Variants in UPB1 observed in about 807,000 individuals in gnomAD.
UPB1 encodes beta-ureidopropionase.
In UPB1, 40 loss-of-function variants were observed where a neutral mutation model predicts 49.1. The observed-to-expected ratio is 0.81, with a 90% CI of 0.63 to 1.06. The LOEUF (loss-of-function observed/expected upper bound fraction) is 1.06, where lower values mean the gene tolerates loss of function less well. Ranked by LOEUF, UPB1 falls within the 50% of genes least tolerant of loss-of-function variation. The pLI, the probability that UPB1 is intolerant of heterozygous loss-of-function variation, is 0.00. For synonymous variants in UPB1, 207 were observed against 198.2 expected (o/e 1.04, Z -0.38); for missense variants, 499 against 505.9 (o/e 0.99, Z 0.13).
rs149380394 is a variant in UPB1 at position 24,502,088 on chromosome 22, T to A, written c.277-38T>A. 6 of 1,609,426 alleles carry A rather than the reference T, an allele frequency of 3.7e-6. No homozygotes were observed. In the East Asian group the frequency reaches 1.3e-4, roughly 36 times the overall value. On this transcript the variant is annotated intron_variant, in intron 2 of 9. Transcript: ENST00000326010. The stretch of plus-strand genomic sequence containing the variant: ...GAGATCCTAAAAATTGCCTTACCAA[T>A]AGAACTAAATGGATTCTAATCCTTT...
intron 6 of UPB1, among the ~76,000 whole-genome samples, chr22:24,517,893 A>G (rs564530334): frequency 6.6e-6 from 1 of 152,376 alleles, no homozygotes; most frequent in Middle Eastern, 3.4e-3. Flanking sequence ...GGCCAGGCAC[A>G]GTAGCTCACA....
intron 5 of UPB1, among the ~76,000 whole-genome samples, chr22:24,514,184 C>T (rs1183408848): frequency 6.6e-6 from 1 of 152,020 alleles, no homozygotes; most frequent in African/African-American, 2.4e-5. Context: ...ATGTGATGTC[C>T]CCAGTTCTCT....
chr22:24,501,353 C>T (rs141079810), intron 2 of UPB1, among the ~76,000 whole-genome samples: 238 of 152,280 alleles, frequency 1.6e-3, no homozygotes, highest in Non-Finnish European at 2.7e-3. Context: ...TTGAATGTCT[C>T]CTGGGAGCCA....
At chr22:24,508,092 G>T (rs1377102278) in intron 3 of UPB1, among the ~76,000 whole-genome samples, 1 of 152,144 alleles carries the variant, frequency 6.6e-6, no homozygotes, top group African/African-American at 2.4e-5. Flanking sequence ...GCATTTAGGA[G>T]ATACTGTCTA....
chr22:24,507,515 G>A (rs1029219126), intron 3 of UPB1, among the ~76,000 whole-genome samples: 2 of 152,152 alleles, frequency 1.3e-5, no homozygotes, highest in Non-Finnish European at 2.9e-5. Flanking sequence ...TGTTGGAGAC[G>A]ATCTGCCTAT....
chr22:24,522,692 G>A (rs1295054882), intron 8 of UPB1, among the ~76,000 whole-genome samples: 1 of 151,724 alleles, frequency 6.6e-6, no homozygotes, highest in Non-Finnish European at 1.5e-5. Context: ...AGTACTTTGG[G>A]AGGCTGAGGC....
Position 24,527,588 on chromosome 22 carries a change from TC to T in UPB1, c.*1795del, listed in dbSNP as rs966622382. On this transcript the variant is annotated 3_prime_UTR_variant, in exon 10 of 10. Coordinates refer to ENST00000326010, the MANE Select transcript of UPB1 (RefSeq NM_016327.3). The stretch of plus-strand genomic sequence containing the variant: ...GTAATTCCCCGCTTATTGTTCCCAA[TC>T]AGAGAAGGCAGCCAGAGAAGGCAGC... The T allele has an allele frequency of 4.4e-4, 66 of 148,626 alleles. No homozygotes were observed. Among genetic ancestry groups the T allele is most frequent in the African/African-American group, 1.5e-3 (63 of 41,290 alleles). The allele number at this position is 148,626 out of a possible 1,614,324, so 9.2% of individuals were successfully genotyped here.
chr22:24,520,314 G>C (rs754119160), intron 6 of UPB1, 73 bp from the exon 7 acceptor site: 59 of 1,550,992 alleles, frequency 3.8e-5, no homozygotes, highest in Non-Finnish European at 5.0e-5. Flanking sequence ...AGCCAGGCCA[G>C]GCTCAGGGCT....
rs139874330 is a variant in UPB1, at chr22:24,507,658, G to A, written c.365-3091G>A. Among the ~76,000 whole-genome samples the A allele has an allele frequency of 3.0e-3, 455 of 152,210 alleles. 2 individuals carry two copies. Among genetic ancestry groups the A allele is most frequent in the Middle Eastern group, 0.01 (3 of 294 alleles). On this transcript the variant is annotated intron_variant, in intron 3 of 9. Transcript: ENST00000326010. Reference sequence around the variant, plus strand: ...CTCCTGAACCATTTCTTTTCTAACCGAAAAGGCGGCTTAAAGAGCCAGGCC... The same window carrying A: ...CTCCTGAACCATTTCTTTTCTAACCAAAAAGGCGGCTTAAAGAGCCAGGCC...
chr22:24,496,018 C>T (rs2043867167), intron 1 of UPB1, among the ~76,000 whole-genome samples: 1 of 152,162 alleles, frequency 6.6e-6, no homozygotes, highest in Non-Finnish European at 1.5e-5. Flanking sequence ...TCCCTGCAAG[C>T]TTGTGCATCA....
intron 7 of UPB1, among the ~76,000 whole-genome samples, chr22:24,520,680 G>A (rs964005624): frequency 6.6e-6 from 1 of 152,176 alleles, no homozygotes; most frequent in African/African-American, 2.4e-5. Context: ...TGACATGGCA[G>A]TTCTCACCCT....
chr22:24,515,118 A>G (rs1568991058), intron 5 of UPB1, 83 bp from the exon 6 acceptor site: 30 of 1,552,392 alleles, frequency 1.9e-5, no homozygotes, highest in Non-Finnish European at 2.6e-5. Flanking sequence ...CCTCTGGACT[A>G]TTGGTGATAT....
At chr22:24,501,457 GAGTGGCACACAAAGC>G (rs2043993197) in intron 2 of UPB1, among the ~76,000 whole-genome samples, 1 of 152,224 alleles carries the variant, frequency 6.6e-6, no homozygotes, top group African/African-American at 2.4e-5. Context: ...AGCAGAGGAA[GAGTGGCACACAAAGC>G]AGTGGCACAC....
chr22:24,498,690 A>G (rs980076947), intron 1 of UPB1, among the ~76,000 whole-genome samples: 7 of 152,094 alleles, frequency 4.6e-5, no homozygotes, highest in African/African-American at 1.7e-4. Flanking sequence ...ATGAGGAGAG[A>G]GACTTCAGCC....
intron 1 of UPB1, among the ~76,000 whole-genome samples, chr22:24,497,139 G>GA (rs1318462581): frequency 3.9e-5 from 6 of 152,294 alleles, no homozygotes; most frequent in African/African-American, 1.4e-4. Flanking sequence ...AGTGGAGAAA[G>GA]ATGTCCAAGC....
At position 24,515,238 on chromosome 22, in the gene UPB1, T is replaced by A; in HGVS notation, c.659T>A (p.Val220Glu). The A allele has an allele frequency of 8.7e-6, 14 of 1,614,214 alleles. No individual in the cohort carries two copies. The highest frequency in any genetic ancestry group is 1.1e-5 in the Non-Finnish European group (13 of 1,180,038). The change falls in exon 6 of 10, where the codon GTG (valine) becomes GAG (glutamate). Residue 220 changes from valine to glutamate, a missense_variant. Transcript: ENST00000326010. Reference sequence around the variant, plus strand: ...ATGGAGGGAAACCTGGGCCACCCCGTGTTCCAGACGCAGTTCGGAAGGATC... The same window carrying A: ...ATGGAGGGAAACCTGGGCCACCCCGAGTTCCAGACGCAGTTCGGAAGGATC... Reference protein sequence around the residue: ...YYMEGNLGHPVFQTQFGRIAV... With the variant: ...YYMEGNLGHPEFQTQFGRIAV...
chr22:24,525,939 G>A lies in UPB1; in HGVS notation c.*145G>A. The A allele has an allele frequency of 1.0e-6, 1 of 974,338 alleles. No homozygotes were observed. Among genetic ancestry groups the A allele is most frequent in the Non-Finnish European group, 1.6e-6 (1 of 623,932 alleles). 60.4% of individuals were successfully genotyped at this position (974,338 alleles called of 1,614,324 possible). A position where few individuals can be genotyped will look rare whatever the true frequency, so the allele number is the denominator to read the frequency against. On this transcript the variant is annotated 3_prime_UTR_variant, in exon 10 of 10. Transcript: ENST00000326010. Reference sequence around the variant, plus strand: ...TTCCCAGGCAGGGGGAGAGTGGCATGGGGAGTGACTTCTTAATGGGTAAGG... The same window carrying A: ...TTCCCAGGCAGGGGGAGAGTGGCATAGGGAGTGACTTCTTAATGGGTAAGG...
At chr22:24,524,529 C>T (rs940383956) in intron 9 of UPB1, among the ~76,000 whole-genome samples, 3 of 152,200 alleles carry the variant, frequency 2.0e-5, no homozygotes, top group Admixed American at 1.3e-4. Flanking sequence ...GCTCTGTCAT[C>T]TAGGCTGGAC....
intron 6 of UPB1, chr22:24,518,396 GAAA>G (rs546016551): frequency 6.6e-6 from 1 of 151,976 alleles, no homozygotes; most frequent in Admixed American, 6.6e-5. Flanking sequence ...GAAAAAAAAG[GAAA>G]AAAAAGTTTG....
Sources: gnomAD v4.1 joint callset for allele counts (sites outside exome capture counted in the v4.1 genomes callset) on GRCh38, gnomAD v4.1.1 for gene constraint, MANE v1.5 for transcripts, NCBI Gene and HGNC (gene_info 2026-07-23, HGNC 2026-07-21) for gene names.